WIPI2: variants seen among roughly 807,000 people sequenced by gnomAD.
WIPI2 encodes WD repeat domain, phosphoinositide interacting 2.
A neutral mutation model predicts 52.3 loss-of-function variants in WIPI2; 28 were observed. The observed-to-expected ratio is 0.54, with a 90% confidence interval of 0.40 to 0.73. The LOEUF (loss-of-function observed/expected upper bound fraction) is 0.73. Ranked by LOEUF, WIPI2 falls within the 30% of genes least tolerant of loss-of-function variation. The pLI is 0.00. For missense variants in WIPI2, 506 were observed against 602.9 expected, an observed-to-expected ratio of 0.84 and a Z score of 1.68; for synonymous variants, 268 against 245.0, an observed-to-expected ratio of 1.09 and a Z score of -0.88.
chr7:5,201,248 G>T (rs539010435), intron 3 of WIPI2, among the ~76,000 whole-genome samples: 55 of 152,352 alleles, frequency 3.6e-4, no homozygotes, highest in African/African-American at 1.3e-3. Context: ...CTGTTAAATT[G>T]TTGCTGGAGT....
chr7:5,206,971 A>G (rs1782324577), intron 3 of WIPI2, among the ~76,000 whole-genome samples: 1 of 151,910 alleles, frequency 6.6e-6, no homozygotes, highest in Admixed American at 6.6e-5. Context: ...TAGGGACACG[A>G]TCTTGTTATG....
At position 5,231,749 on chromosome 7, in the gene WIPI2, A is replaced by AT. The variant is rs3839712; in HGVS notation, c.*817dup. ...ACTCTTCCTGTTGAAAAACTGTGTG[A>AT]TTTTTTTTTTTTTTTAAGTAAAGTT... On this transcript the variant is annotated 3_prime_UTR_variant, in exon 13 of 13. Transcript: ENST00000288828. 0.025 allele frequency: 3,827 copies of AT among 150,230 alleles called. 146 individuals carry two copies. Among genetic ancestry groups the AT allele is most frequent in the African/African-American group, 0.086 (3,446 of 40,244 alleles). The allele number at this position is 150,230 out of a possible 1,614,324, so 9.3% of individuals were successfully genotyped here.
chr7:5,218,100 A>G lies in WIPI2; in HGVS notation c.669+86A>G, dbSNP rs1292545208. The G allele has an allele frequency of 1.1e-5, 16 of 1,403,674 alleles. No individual in the cohort carries two copies. The South Asian group carries it at 1.7e-4, about 15-fold the overall frequency. The allele number at this position is 1,403,674 out of a possible 1,614,324, so 87.0% of individuals were successfully genotyped here. ...CTGTTCACACAGCCACCTTAGAGGC[A>G]AGGTCCTATACTTACCAGCTCCGGG... is the stretch of plus-strand genomic sequence containing the variant. On this transcript the variant is annotated intron_variant, in intron 7 of 12. Coordinates refer to ENST00000288828, the MANE Select transcript of WIPI2 (RefSeq NM_015610.4).
At chr7:5,219,291 C>T (rs1437081104) in intron 7 of WIPI2, among the ~76,000 whole-genome samples, 2 of 152,320 alleles carry the variant, frequency 1.3e-5, no homozygotes, top group East Asian at 3.9e-4. Flanking sequence ...TCTAATTATG[C>T]TAGACTATCC....
chr7:5,194,218 C>T (rs1010647435), intron 2 of WIPI2, among the ~76,000 whole-genome samples: 2 of 143,218 alleles, frequency 1.4e-5, no homozygotes, highest in African/African-American at 5.1e-5. Flanking sequence ...TGAGGGGGAG[C>T]GGGGATGGGG....
At chr7:5,213,112 C>G (rs570870213) in intron 3 of WIPI2, 1 of 151,616 alleles carries the variant, frequency 6.6e-6, no homozygotes, top group South Asian at 2.1e-4. Context: ...GTTGACAGAT[C>G]CTGGAAGACG....
At position 5,214,407 on chromosome 7, in the gene WIPI2, TC is replaced by T. The variant is rs779011737; in HGVS notation, c.212-126del. 2.9e-5 allele frequency: 47 copies of T among 1,608,666 alleles called. No homozygotes were observed. In the East Asian group the frequency reaches 6.2e-4, roughly 21 times the overall value. On this transcript the variant is annotated intron_variant, in intron 3 of 12. Transcript: ENST00000288828. ...CTGTCCCCACCCCATGACCACATGTTCCGCAGGCACCCTCAGCGCTGTGCCC... is the reference window on the plus strand; with the variant it reads ...CTGTCCCCACCCCATGACCACATGTTCGCAGGCACCCTCAGCGCTGTGCCC...
At chr7:5,193,610 A>T (rs1453558748) in intron 2 of WIPI2, among the ~76,000 whole-genome samples, 2 of 152,220 alleles carry the variant, frequency 1.3e-5, no homozygotes, top group Non-Finnish European at 2.9e-5. Context: ...ACTGTTGCAC[A>T]GTTTGAAGTG....
In WIPI2 at chr7:5,227,365, C is replaced by T. The variant is rs1472426307; in HGVS notation, c.1013+21C>T. On this transcript the variant is annotated intron_variant, in intron 10 of 12. Transcript: ENST00000288828. The surrounding 1 kb of genome is among the most constrained non-coding windows in gnomAD (Gnocchi z 8.1). ...GCCACGTGAGTAGAGCCGGCGCCTCCGTCCCCCACCCCGTGTGCCTCAGGC... is the reference window on the plus strand; with the variant it reads ...GCCACGTGAGTAGAGCCGGCGCCTCTGTCCCCCACCCCGTGTGCCTCAGGC... 8.1e-6 allele frequency: 13 copies of T among 1,608,634 alleles called. No homozygotes were observed. The Admixed American group carries it at 8.3e-5, about 10-fold the overall frequency.
intron 7 of WIPI2, among the ~76,000 whole-genome samples, chr7:5,221,724 G>A (rs764098602): frequency 3.3e-5 from 5 of 152,094 alleles, no homozygotes; most frequent in East Asian, 1.9e-4. Flanking sequence ...GGCACATGCC[G>A]AGCTCCCTTG....
At chr7:5,212,462 C>T (rs186144539) in intron 3 of WIPI2, among the ~76,000 whole-genome samples, 51 of 152,260 alleles carry the variant, frequency 3.3e-4, no homozygotes, top group Non-Finnish European at 5.9e-4. Context: ...ATCTGGCTGC[C>T]GGATTTGAGA....
chr7:5,196,411 C>T (rs1266733850), intron 2 of WIPI2, among the ~76,000 whole-genome samples: 1 of 152,144 alleles, frequency 6.6e-6, no homozygotes, highest in Non-Finnish European at 1.5e-5. Context: ...GTATATATAT[C>T]TCAAAAAATA....
Position 5,217,207 on chromosome 7 carries a change from C to G in WIPI2, c.576+20C>G, listed in dbSNP as rs1407824881. ...AATTTGGTGAGATGCCTTTCCTGCT[C>G]GAATAGCTCTCTAAAGTGTGGCTTT... On this transcript the variant is annotated intron_variant, in intron 6 of 12. Coordinates refer to ENST00000288828, the MANE Select transcript of WIPI2 (RefSeq NM_015610.4). 6 of 1,612,856 alleles carry G rather than the reference C, an allele frequency of 3.7e-6. No individual in the cohort carries two copies. The highest frequency in any genetic ancestry group is 5.1e-6 in the Non-Finnish European group (6 of 1,179,030).
At chr7:5,229,005 G>T (rs1007109403) in intron 11 of WIPI2, among the ~76,000 whole-genome samples, 1 of 151,970 alleles carries the variant, frequency 6.6e-6, no homozygotes, top group Non-Finnish European at 1.5e-5. Flanking sequence ...GGAGTGAGCC[G>T]CTGCACCTAG....
Position 5,201,722 on chromosome 7 carries a change from G to A in WIPI2, c.211+2064G>A, listed in dbSNP as rs577767345. Among the ~76,000 whole-genome samples the A allele has an allele frequency of 7.2e-5, 11 of 152,298 alleles. No homozygotes were observed. In the South Asian group the frequency reaches 1.7e-3, roughly 23 times the overall value. On this transcript the variant is annotated intron_variant, in intron 3 of 12. Transcript: ENST00000288828. Reference sequence around the variant, plus strand: ...GATTGTGCCATTGCACTCCAGCCTCGGTGACAGTGAGACTCTGTCTTAATA... The same window carrying A: ...GATTGTGCCATTGCACTCCAGCCTCAGTGACAGTGAGACTCTGTCTTAATA...
At chr7:5,192,709 G>A (rs1483668564) in intron 1 of WIPI2, among the ~76,000 whole-genome samples, 3 of 151,964 alleles carry the variant, frequency 2.0e-5, no homozygotes, top group Non-Finnish European at 4.4e-5. Flanking sequence ...CTAAAATGAC[G>A]GTAATTTGTT....
chr7:5,227,300 C>T lies in WIPI2; in HGVS notation c.969C>T (p.Val323=). 1 of 1,613,472 alleles carries T rather than the reference C, an allele frequency of 6.2e-7. No homozygotes were observed. The highest frequency in any genetic ancestry group is 8.5e-7 in the Non-Finnish European group (1 of 1,180,030). ...ACCAGGGCAGAGCCTTCGCCACGGTCCGCCTGCCATTCTGCGGCCACAAAA... is the reference window on the plus strand; with the variant it reads ...ACCAGGGCAGAGCCTTCGCCACGGTTCGCCTGCCATTCTGCGGCCACAAAA... The part of the protein sequence containing the change: ...MFNQGRAFAT[V]RLPFCGHKNI... Residue 323 remains valine, a synonymous_variant, in exon 10 of 13, where the codon GTC becomes GTT. Transcript: ENST00000288828. This position sits in a 1 kb window ranked among gnomAD's most constrained non-coding sequence, Gnocchi z 8.1.
At position 5,231,064 on chromosome 7, in the gene WIPI2, T is replaced by TAA. The variant is rs371468533; in HGVS notation, c.*129_*130dup. 125 of 550,554 alleles carry TAA rather than the reference T, an allele frequency of 2.3e-4. No homozygotes were observed. Among genetic ancestry groups the TAA allele is most frequent in the Middle Eastern group, 1.2e-3 (3 of 2,554 alleles). The allele number at this position is 550,554 out of a possible 1,614,324, so 34.1% of individuals were successfully genotyped here. ...GGGGAGAGGATGGCAGAGACTTTAT[T>TAA]AAAAAAAAAAAAAGATTGTAGTGGT... On this transcript the variant is annotated 3_prime_UTR_variant, in exon 13 of 13. Coordinates refer to ENST00000288828, the MANE Select transcript of WIPI2 (RefSeq NM_015610.4).
intron 4 of WIPI2, among the ~76,000 whole-genome samples, chr7:5,215,466 C>T (rs948844795): frequency 3.3e-5 from 5 of 152,350 alleles, no homozygotes; most frequent in South Asian, 2.1e-4. Flanking sequence ...GCGTGTTTCA[C>T]GCACGTGTGT....
Sources: allele counts gnomAD v4.1 joint callset (sites outside exome capture counted in the v4.1 genomes callset), GRCh38; gene constraint gnomAD v4.1.1; non-coding constraint Gnocchi (gnomAD v3.1); transcripts MANE v1.5; gene names NCBI Gene and HGNC (gene_info 2026-07-23, HGNC 2026-07-21).